UBA52: variants seen among roughly 807,000 people sequenced by gnomAD.
UBA52 encodes the protein ubiquitin-ribosomal protein eL40 fusion protein.
Under a neutral mutation model 15.3 loss-of-function variants are expected in UBA52, and 1 was observed. The ratio of observed to expected loss-of-function variants is 0.07; its 90% CI spans 0.02 to 0.31. The LOEUF (loss-of-function observed/expected upper bound fraction) is 0.31, where lower values mean the gene tolerates loss of function less well. UBA52 is among the 10% of genes least tolerant of loss of function. UBA52 has a pLI of 1.00. For missense variants in UBA52, 87 were observed against 168.0 expected (o/e 0.52, Z 2.66); for synonymous variants, 50 against 58.3 (o/e 0.86, Z 0.65).
At position 18,575,953 on chromosome 19, in the gene UBA52, A is replaced by AC. The variant is rs1394744455; in HGVS notation, c.*803_*804insC. The AC allele has an allele frequency of 6.6e-6, 1 of 152,200 alleles. No individual in the cohort carries two copies. Among genetic ancestry groups the AC allele is most frequent in the Non-Finnish European group, 1.5e-5 (1 of 68,120 alleles). The allele number at this position is 152,200 out of a possible 1,614,324, so 9.4% of individuals were successfully genotyped here. A position where few individuals can be genotyped will look rare whatever the true frequency, so the allele number is the denominator to read the frequency against. ...AGTAGAGACGGGGTTTCACTGGGTTAGCCAGGTTGGTCTCGATCTCCTGAC... is the reference window on the plus strand; with the variant it reads ...AGTAGAGACGGGGTTTCACTGGGTTACGCCAGGTTGGTCTCGATCTCCTGAC... On this transcript the variant is annotated 3_prime_UTR_variant, in exon 5 of 5. Transcript: ENST00000442744.
Position 18,574,856 on chromosome 19 carries a change from GCTGT to G in UBA52, c.191-11_191-8del. The G allele has an allele frequency of 6.2e-7, 1 of 1,612,278 alleles. No homozygotes were observed. Among genetic ancestry groups the G allele is most frequent in the Non-Finnish European group, 8.5e-7 (1 of 1,179,954 alleles). On this transcript the variant is annotated splice_polypyrimidine_tract_variant and intron_variant, in intron 3 of 4. Transcript: ENST00000442744. ...GCTGGGCTCAGTCGCCGTCCTTCTG[GCTGT>G]CTCCTGCAGAGTCCACCCTGCACCT...
chr19:18,577,256 C>G lies in UBA52; in HGVS notation c.*2106C>G, dbSNP rs1273060808. ...ATGACTCAGGGTTTTGAGTTCTTAA[C>G]TGATCGAATGAAGGATTCAAAATTA... On this transcript the variant is annotated 3_prime_UTR_variant, in exon 5 of 5. Coordinates refer to ENST00000442744, the MANE Select transcript of UBA52 (RefSeq NM_001033930.3). 2 of 151,988 alleles carry G rather than the reference C, an allele frequency of 1.3e-5. No individual in the cohort carries two copies. The highest frequency in any genetic ancestry group is 2.9e-5 in the Non-Finnish European group (2 of 68,030). The allele number at this position is 151,988 out of a possible 1,614,324, so 9.4% of individuals were successfully genotyped here. A position where few individuals can be genotyped will look rare whatever the true frequency, so the allele number is the denominator to read the frequency against.
the UBA52 span, chr19:18,564,754 A>T: frequency 2.6e-6 from 3 of 1,165,732 alleles, no homozygotes. Flanking sequence ...ACAAGGGAAC[A>T]GCCCATGCAA....
At chr19:18,568,579 C>CA, upstream of UBA52, 1 of 1,613,362 alleles carries the variant, frequency 6.2e-7, no homozygotes, top group Non-Finnish European at 8.5e-7. Flanking sequence ...CCTGGCTCCC[C>CA]AGCCATCAAC....
At chr19:18,569,613 T>C (rs1227331689), upstream of UBA52, among the ~76,000 whole-genome samples, 2 of 151,736 alleles carry the variant, frequency 1.3e-5, no homozygotes, top group African/African-American at 4.8e-5. Flanking sequence ...ACAATACTAG[T>C]GTTCCCATCC....
upstream of UBA52, chr19:18,567,426 T>G (rs919223511): frequency 1.6e-5 from 11 of 678,200 alleles, no homozygotes; most frequent in Admixed American, 2.2e-4. Flanking sequence ...ATAAGCAGCA[T>G]GACAATCCTT....
In UBA52 at chr19:18,576,975, ATTTTTTTTTT is replaced by A. The variant is rs773902580; in HGVS notation, c.*1839_*1848del. The A allele has an allele frequency of 2.7e-5, 3 of 113,060 alleles. No individual in the cohort carries two copies. Among genetic ancestry groups the A allele is most frequent in the African/African-American group, 3.3e-5 (1 of 30,018 alleles). 7.0% of individuals were successfully genotyped at this position (113,060 alleles called of 1,614,324 possible). On this transcript the variant is annotated 3_prime_UTR_variant, in exon 5 of 5. Transcript: ENST00000442744. ...AAGCCACAGCGCCTGGCCTTGCTAC[ATTTTTTTTTT>A]TTTTTTTTTTTTTACAGACATGGTC...
chr19:18,570,763 T>C (rs1418386459), upstream of UBA52, among the ~76,000 whole-genome samples: 1 of 134,604 alleles, frequency 7.4e-6, no homozygotes, highest in African/African-American at 2.9e-5. Context: ...TCTCGGCTAA[T>C]TGCAACCTCT....
upstream of UBA52, chr19:18,567,075 C>A: frequency 6.4e-7 from 1 of 1,567,768 alleles, no homozygotes; most frequent in Non-Finnish European, 8.8e-7. Flanking sequence ...TGGCCAGCAC[C>A]AGGCCCAGCC....
At chr19:18,565,441 T>C in the UBA52 span, among the ~76,000 whole-genome samples, 97,299 of 151,698 alleles carry the variant, frequency 0.64, 31,581 homozygotes, top group African/African-American at 0.75. Flanking sequence ...GTGTTAGTAG[T>C]CAGGATGGTC....
At chr19:18,567,892 A>G (rs1420635128), upstream of UBA52, among the ~76,000 whole-genome samples, 1 of 152,112 alleles carries the variant, frequency 6.6e-6, no homozygotes, top group Non-Finnish European at 1.5e-5. Flanking sequence ...CTAACCCCAG[A>G]TCTTGTGTCC....
upstream of UBA52, among the ~76,000 whole-genome samples, chr19:18,571,235 A>C (rs954917603): frequency 6.8e-6 from 1 of 147,456 alleles, no homozygotes; most frequent in Non-Finnish European, 1.5e-5. Flanking sequence ...GCTTGAACCC[A>C]GGAGGCGGAG....
Position 18,575,455 on chromosome 19 carries a change from G to C in UBA52, c.*305G>C. On this transcript the variant is annotated 3_prime_UTR_variant, in exon 5 of 5. Transcript: ENST00000442744. The stretch of plus-strand genomic sequence containing the variant: ...CCTCAGTCGTGTAATTGGTGGGACT[G>C]AGGATCAGTTTTGTCATTGCTGGGA... 2.5e-6 allele frequency: 1 copy of C among 406,552 alleles called. No individual in the cohort carries two copies. Among genetic ancestry groups the C allele is most frequent in the Non-Finnish European group, 4.6e-6 (1 of 217,388 alleles). The allele number at this position is 406,552 out of a possible 1,614,324, so 25.2% of individuals were successfully genotyped here. A position where few individuals can be genotyped will look rare whatever the true frequency, so the allele number is the denominator to read the frequency against.
Position 18,577,340 on chromosome 19 carries a change from GGGA to G in UBA52, c.*2193_*2195del, listed in dbSNP as rs1368605453. ...TCTTAATGGACAAAAAGAAAGAAAG[GGGA>G]GGGAGTAACAGGGATATGAGCTCTA... On this transcript the variant is annotated 3_prime_UTR_variant, in exon 5 of 5. Transcript: ENST00000442744. The G allele has an allele frequency of 6.6e-6, 1 of 152,158 alleles. No homozygotes were observed. The highest frequency in any genetic ancestry group is 1.5e-5 in the Non-Finnish European group (1 of 68,042). 9.4% of individuals were successfully genotyped at this position (152,158 alleles called of 1,614,324 possible). A position where few individuals can be genotyped will look rare whatever the true frequency, so the allele number is the denominator to read the frequency against.
chr19:18,568,577 C>A (rs371136337), upstream of UBA52: 15 of 1,613,268 alleles, frequency 9.3e-6, no homozygotes, highest in Non-Finnish European at 1.3e-5. Context: ...AGCCTGGCTC[C>A]CCAGCCATCA....
chr19:18,575,958 G>A lies in UBA52; in HGVS notation c.*808G>A, dbSNP rs1337764366. The A allele has an allele frequency of 6.6e-6, 1 of 152,272 alleles. No individual in the cohort carries two copies. Among genetic ancestry groups the A allele is most frequent in the Non-Finnish European group, 1.5e-5 (1 of 68,122 alleles). The allele number at this position is 152,272 out of a possible 1,614,324, so 9.4% of individuals were successfully genotyped here. ...AGACGGGGTTTCACTGGGTTAGCCA[G>A]GTTGGTCTCGATCTCCTGACCTTGT... On this transcript the variant is annotated 3_prime_UTR_variant, in exon 5 of 5. Coordinates refer to ENST00000442744, the MANE Select transcript of UBA52 (RefSeq NM_001033930.3).
At chr19:18,569,799 C>T (rs761048765), upstream of UBA52, among the ~76,000 whole-genome samples, 16 of 151,794 alleles carry the variant, frequency 1.1e-4, no homozygotes, top group Non-Finnish European at 1.9e-4. Flanking sequence ...TTTGGGAGGC[C>T]GAGGTGGGTG....
At chr19:18,573,196 CAGGCAAAGGGATAGCAACTGTGGTGT>C (rs1975594353) in intron 1 of UBA52, 71 bp from the exon 2 acceptor site, 2 of 1,255,564 alleles carry the variant, frequency 1.6e-6, no homozygotes, top group Non-Finnish European at 1.1e-6. Flanking sequence ...GGACTTGGTG[CAGGCAAAGGGATAGCAACTGTGGTGT>C]AGGCACCTGA....
At chr19:18,572,704 T>C in intron 1 of UBA52, 1 of 753,756 alleles carries the variant, frequency 1.3e-6, no homozygotes, top group South Asian at 5.7e-5. Context: ...CTAAGTGATG[T>C]TCGTGGTTTG....
Sources: gnomAD v4.1 joint callset for allele counts (sites outside exome capture counted in the v4.1 genomes callset) on GRCh38, gnomAD v4.1.1 for gene constraint, MANE v1.5 for transcripts, NCBI Gene and HGNC (gene_info 2026-07-23, HGNC 2026-07-21) for gene names.